CLUH: variants seen among roughly 807,000 people sequenced by gnomAD.
CLUH encodes CLUH binding protein of NUMT mRNA.
CLUH carries 77 observed loss-of-function variants against 139.3 expected under a neutral mutation model. That is an observed-to-expected ratio of 0.55 (90% CI 0.46 to 0.67). CLUH has a LOEUF of 0.67. CLUH is among the 30% of genes least tolerant of loss of function. CLUH has a pLI of 0.00. For missense variants in CLUH, 1,876 were observed against 1,875.8 expected, an observed-to-expected ratio of 1.00 and a Z score of 0.00; for synonymous variants, 999 against 801.6, an observed-to-expected ratio of 1.25 and a Z score of -4.16.
chr17:2,705,027 A>G (rs956651219), intron 1 of CLUH, among the ~76,000 whole-genome samples: 1 of 151,960 alleles, frequency 6.6e-6, no homozygotes, highest in Middle Eastern at 3.4e-3. Context: ...GCCTAGGCCC[A>G]GCCTCTCCTG....
rs2069586459 is a variant in CLUH at position 2,690,637 on chromosome 17, T to C, written c.4004A>G (p.Gln1335Arg). 6.6e-7 allele frequency: 1 copy of C among 1,510,606 alleles called. No individual in the cohort carries two copies. Among genetic ancestry groups the C allele is most frequent in the South Asian group, 1.3e-5 (1 of 77,012 alleles). The allele number at this position is 1,510,606 out of a possible 1,614,324, so 93.6% of individuals were successfully genotyped here. Residue 1335 changes from glutamine (Q) to arginine (R), a missense_variant, in exon 26 of 26, where the codon CAG becomes CGG. Coordinates refer to ENST00000651024, the MANE Select transcript of CLUH (RefSeq NM_001366661.1). ...AGAAGGGTCCTTGGCAGCCGGGGGC[T>C]GGGAGCCCAGGTCTCCTGGGGCCCC... is the stretch of plus-strand genomic sequence containing the variant. ...PAGAPGDLGS[Q>R]PPAAKDPSPS... is the part of the protein sequence containing the mutation.
chr17:2,700,657 G>T (rs766030278), intron 8 of CLUH, 21 bp downstream of exon 8: 2 of 1,517,552 alleles, frequency 1.3e-6, no homozygotes, highest in Admixed American at 2.2e-5. Flanking sequence ...CCCAGCGAGG[G>T]CAGGGCCAGG....
chr17:2,689,829 G>C lies in CLUH; in HGVS notation c.*765C>G, dbSNP rs1183578204. On this transcript the variant is annotated 3_prime_UTR_variant, in exon 26 of 26. Transcript: ENST00000651024. ...GGCCCACTGTGCGTTCGGCAGCTCA[G>C]GTTAAAACTGAGGGGAGGGATACAT... 6.5e-6 allele frequency: 1 copy of C among 152,692 alleles called. No homozygotes were observed. Among genetic ancestry groups the C allele is most frequent in the East Asian group, 1.9e-4 (1 of 5,186 alleles). 9.5% of individuals were successfully genotyped at this position (152,692 alleles called of 1,614,324 possible). A position where few individuals can be genotyped will look rare whatever the true frequency, so the allele number is the denominator to read the frequency against.
Position 2,698,288 on chromosome 17 carries a change from C to T in CLUH, c.1569G>A (p.Gln523=). 2 of 1,611,944 alleles carry T rather than the reference C, an allele frequency of 1.2e-6. No homozygotes were observed. The highest frequency in any genetic ancestry group is 2.2e-5 in the South Asian group (2 of 90,716). Residue 523 remains glutamine (Q), a synonymous_variant, in exon 10 of 26, where the codon CAG becomes CAA. Coordinates refer to ENST00000651024, the MANE Select transcript of CLUH (RefSeq NM_001366661.1). Reference sequence around the variant, plus strand: ...GCTCCAGGATGCCGGGGATGATGGACTGGGCCGTGACCCGGTAGCCGCGGT... The same window carrying T: ...GCTCCAGGATGCCGGGGATGATGGATTGGGCCGTGACCCGGTAGCCGCGGT... The part of the protein sequence containing the change: ...VDYRGYRVTA[Q]SIIPGILERD...
rs71377528 is a variant in CLUH, at chr17:2,693,141, CAAA to C, written c.3232-284_3232-282del. 5.4e-3 allele frequency among the ~76,000 whole-genome samples: 396 copies of C among 73,794 alleles called. 16 individuals carry two copies. The South Asian group carries it at 0.064, about 12-fold the overall frequency. The allele number at this position is 73,794 out of a possible 152,430, so 48.4% of individuals were successfully genotyped here. ...AAACCTAAAACTACTAAAAATGTTA[CAAA>C]AAAAAAAAAAAAGCCTGAGCAGGGG... On this transcript the variant is annotated intron_variant, in intron 19 of 25. Coordinates refer to ENST00000651024, the MANE Select transcript of CLUH (RefSeq NM_001366661.1).
Position 2,691,954 on chromosome 17 carries a change from C to CCGCCCCCGCCA in CLUH, c.3654+49_3654+50insTGGCGGGGGCG, listed in dbSNP as rs748809684. The CCGCCCCCGCCA allele has an allele frequency of 2.6e-4, 304 of 1,149,702 alleles. 4 individuals carry two copies. The African/African-American group carries it at 5.3e-3, about 20-fold the overall frequency. 71.2% of individuals were successfully genotyped at this position (1,149,702 alleles called of 1,614,324 possible). Reference sequence around the variant, plus strand: ...GTGCCCCCGCGGCCCCGCCCCCGCCCCGCCACGCCCCCGCCCCGCCCCCGC... The same window carrying CCGCCCCCGCCA: ...GTGCCCCCGCGGCCCCGCCCCCGCCCCGCCCCCGCCACGCCACGCCCCCGCCCCGCCCCCGC... On this transcript the variant is annotated intron_variant, in intron 23 of 25. Transcript: ENST00000651024.
At position 2,691,769 on chromosome 17, in the gene CLUH, G is replaced by C; in HGVS notation, c.3781C>G (p.Pro1261Ala). ...YRNGSSANIP[P>A]LKFTAPSMAS... ...CTCCGCCCCGGACTCACCTTGAGGG[G>C]CGGGATGTTGGCGCTGGAGCCGTTG... The change falls in exon 24 of 26, where the codon CCC (proline) becomes GCC (alanine). Residue 1261 changes from proline to alanine, a missense_variant. Coordinates refer to ENST00000651024, the MANE Select transcript of CLUH (RefSeq NM_001366661.1). The C allele has an allele frequency of 6.3e-7, 1 of 1,595,524 alleles. No homozygotes were observed. The highest frequency in any genetic ancestry group is 2.3e-5 in the East Asian group (1 of 43,968).
intron 9 of CLUH, among the ~76,000 whole-genome samples, chr17:2,699,265 T>C (rs2070089849): frequency 6.6e-6 from 1 of 152,214 alleles, no homozygotes; most frequent in Non-Finnish European, 1.5e-5. Flanking sequence ...TCTGGTGAAG[T>C]CGGTACCCGA....
rs2069726918 is a variant in CLUH at position 2,692,372 on chromosome 17, C to T, written c.3549G>A (p.Lys1183=). 2 of 1,585,250 alleles carry T rather than the reference C, an allele frequency of 1.3e-6. No homozygotes were observed. The highest frequency in any genetic ancestry group is 1.7e-6 in the Non-Finnish European group (2 of 1,173,368). ...STKYHGPKAL[K]VALSHHLVAR... ...GGGCGGCCCCTCACCTGAGGGCCACCTTGAGGGCCTTGGGCCCGTGGTACT... is the reference window on the plus strand; with the variant it reads ...GGGCGGCCCCTCACCTGAGGGCCACTTTGAGGGCCTTGGGCCCGTGGTACT... The change falls in exon 22 of 26, where the codon AAG becomes AAA. Residue 1183 remains lysine, a synonymous_variant. Coordinates refer to ENST00000651024, the MANE Select transcript of CLUH (RefSeq NM_001366661.1).
Position 2,700,810 on chromosome 17 carries a change from C to G in CLUH, c.1041G>C (p.Pro347=). 6.6e-7 allele frequency: 1 copy of G among 1,526,166 alleles called. No homozygotes were observed. The highest frequency in any genetic ancestry group is 1.3e-5 in the South Asian group (1 of 75,946). 94.5% of individuals were successfully genotyped at this position (1,526,166 alleles called of 1,614,324 possible). ...VLQKKRVQRH[P]FERIATPFQV... is the part of the protein sequence containing the mutation. ...GGAATGGGGTGGCGATCCTCTCGAA[C>G]GGGTGGCGCTGGACCCTGTGGCAGG... The change falls in exon 8 of 26, where the codon CCG becomes CCC. Residue 347 remains proline, a synonymous_variant. Coordinates refer to ENST00000651024, the MANE Select transcript of CLUH (RefSeq NM_001366661.1).
At chr17:2,695,169 C>T in intron 15 of CLUH, 49 bp downstream of exon 15, 1 of 1,613,706 alleles carries the variant, frequency 6.2e-7, no homozygotes, top group South Asian at 1.1e-5. Flanking sequence ...CCCGACGCCC[C>T]ACACCACCCT....
rs757832409 is a variant in CLUH at position 2,706,245 on chromosome 17, C to A, written c.101-1681G>T. ...GAGGCCAGTACGGAAAGGCAGAGAC[C>A]GGGGGGCCTGGAGAGAGTCGCTCCC... On this transcript the variant is annotated intron_variant, in intron 1 of 25. Transcript: ENST00000651024. The surrounding 1 kb of genome is among the most constrained non-coding windows in gnomAD (Gnocchi z 4.6). Among the ~76,000 whole-genome samples the A allele has an allele frequency of 6.6e-6, 1 of 152,044 alleles. No individual in the cohort carries two copies. Among genetic ancestry groups the A allele is most frequent in the South Asian group, 2.1e-4 (1 of 4,832 alleles).
chr17:2,692,433 A>G lies in CLUH; in HGVS notation c.3488T>C (p.Leu1163Pro). The G allele has an allele frequency of 6.2e-7, 1 of 1,600,226 alleles. No homozygotes were observed. The highest frequency in any genetic ancestry group is 8.5e-7 in the Non-Finnish European group (1 of 1,179,410). ...GGCCAGCGCGTTCTCCAGGAAGCGCAGCGACAGGTCGTACTCCATCACCCC... is the reference window on the plus strand; with the variant it reads ...GGCCAGCGCGTTCTCCAGGAAGCGCGGCGACAGGTCGTACTCCATCACCCC... ...LHGVMEYDLS[L>P]RFLENALAVS... The change falls in exon 22 of 26, where the codon CTG becomes CCG. Residue 1163 changes from leucine to proline, a missense_variant. Physicochemically the swap from Leu to Pro is moderately conservative, Grantham distance 98. Transcript: ENST00000651024.
Position 2,691,939 on chromosome 17 carries a change from GGCCCC to G in CLUH, c.3655-49_3655-45del, listed in dbSNP as rs1567575471. On this transcript the variant is annotated intron_variant, in intron 23 of 25. Transcript: ENST00000651024. Reference sequence around the variant, plus strand: ...GGATCAGGCCCCCCCGTGCCCCCGCGGCCCCGCCCCCGCCCCGCCACGCCCCCGCC... The same window carrying G: ...GGATCAGGCCCCCCCGTGCCCCCGCGGCCCCCGCCCCGCCACGCCCCCGCC... The G allele has an allele frequency of 1.6e-4, 166 of 1,061,548 alleles. 12 individuals carry two copies. In the East Asian group the frequency reaches 5.6e-3, roughly 36 times the overall value. 65.8% of individuals were successfully genotyped at this position (1,061,548 alleles called of 1,614,324 possible). A position where few individuals can be genotyped will look rare whatever the true frequency, so the allele number is the denominator to read the frequency against.
In CLUH at chr17:2,701,895, G is replaced by A. The variant is rs554801686; in HGVS notation, c.619+19C>T. ...TCCCCGCCCTTTGGCCCAATCCCCGGCCCCAGTGCCTCCCGCACCTCCCAG... is the reference window on the plus strand; with the variant it reads ...TCCCCGCCCTTTGGCCCAATCCCCGACCCCAGTGCCTCCCGCACCTCCCAG... On this transcript the variant is annotated intron_variant, in intron 4 of 25. Coordinates refer to ENST00000651024, the MANE Select transcript of CLUH (RefSeq NM_001366661.1). 152 of 1,613,032 alleles carry A rather than the reference G, an allele frequency of 9.4e-5. 1 individual carries two copies. In the South Asian group the frequency reaches 1.5e-3, roughly 16 times the overall value.
At chr17:2,697,157 T>TA (rs1393619076) in intron 10 of CLUH, among the ~76,000 whole-genome samples, 1 of 152,040 alleles carries the variant, frequency 6.6e-6, no homozygotes, top group East Asian at 1.9e-4. Flanking sequence ...CCCAGCACTT[T>TA]GAGGACGAGG....
In CLUH at chr17:2,700,355, C is replaced by T. The variant is rs2070130407; in HGVS notation, c.1266+27G>A. 6 of 1,595,976 alleles carry T rather than the reference C, an allele frequency of 3.8e-6. No individual in the cohort carries two copies. In the African/African-American group the frequency reaches 5.4e-5, roughly 14 times the overall value. On this transcript the variant is annotated intron_variant, in intron 9 of 25. Coordinates refer to ENST00000651024, the MANE Select transcript of CLUH (RefSeq NM_001366661.1). ...CAGCAGGTGGACAGCGGGCCTCAGA[C>T]TGCCGGTCAGCAGAGGCTGCAGGCA...
intron 1 of CLUH, among the ~76,000 whole-genome samples, chr17:2,709,647 G>A (rs2070452376): frequency 6.6e-6 from 1 of 152,062 alleles, no homozygotes; most frequent in Admixed American, 6.6e-5. Context: ...TTCCCAGGAA[G>A]GTAACCAACC....
chr17:2,692,152 G>C (rs1263359863), intron 22 of CLUH, 55 bp from the exon 23 acceptor site: 31 of 1,526,986 alleles, frequency 2.0e-5, no homozygotes, highest in East Asian at 4.8e-5. Flanking sequence ...CTGGGTGTGG[G>C]GGCCTGACTC....
Sources: allele counts gnomAD v4.1 joint callset (sites outside exome capture counted in the v4.1 genomes callset), GRCh38; gene constraint gnomAD v4.1.1; non-coding constraint Gnocchi (gnomAD v3.1); transcripts MANE v1.5; gene names NCBI Gene and HGNC (gene_info 2026-07-23, HGNC 2026-07-21).